Variants in FAM186A observed in about 807,000 individuals in gnomAD.
FAM186A encodes protein FAM186A.
FAM186A carries 163 observed loss-of-function variants against 216.8 expected under a neutral mutation model. The ratio of observed to expected loss-of-function variants is 0.75; its 90% confidence interval spans 0.66 to 0.86. The LOEUF is 0.86. FAM186A is among the 40% of genes least tolerant of loss of function. The pLI is 0.00. For synonymous variants in FAM186A, 805 were observed against 1,025.3 expected (o/e 0.79, Z 4.10); for missense variants, 2,184 against 2,746.2 (o/e 0.80, Z 4.58).
At chr12:50,383,624 A>C (rs1045757969) in intron 1 of FAM186A, among the ~76,000 whole-genome samples, 2 of 151,970 alleles carry the variant, frequency 1.3e-5, no homozygotes, top group African/African-American at 2.4e-5. Flanking sequence ...AGAAACAAAC[A>C]AACCCCACCT....
Position 50,355,508 on chromosome 12 carries a change from T to C in FAM186A, c.1324A>G (p.Lys442Glu). 1 of 1,551,354 alleles carries C rather than the reference T, an allele frequency of 6.4e-7. No individual in the cohort carries two copies. The highest frequency in any genetic ancestry group is 1.2e-5 in the South Asian group (1 of 83,968). The part of the protein sequence containing the change: ...EDSTKDNVSL[K>E]KGDFYQEDET... ...TCTTCCTGATAGAAATCACCTTTCTTCAATGATACGTTATCTTTAGTGCTG... is the reference window on the plus strand; with the variant it reads ...TCTTCCTGATAGAAATCACCTTTCTCCAATGATACGTTATCTTTAGTGCTG... Residue 442 changes from lysine to glutamate, a missense_variant, in exon 4 of 8, where the codon AAG becomes GAG. Coordinates refer to ENST00000327337, the MANE Select transcript of FAM186A (RefSeq NM_001145475.3).
intron 1 of FAM186A, among the ~76,000 whole-genome samples, chr12:50,386,436 CAAAG>C (rs893120434): frequency 4.0e-5 from 6 of 151,632 alleles, no homozygotes; most frequent in Non-Finnish European, 7.4e-5. Context: ...AACAAACAAA[CAAAG>C]AAACAAACAA....
At chr12:50,381,118 C>T (rs375247089) in intron 1 of FAM186A, among the ~76,000 whole-genome samples, 20 of 152,310 alleles carry the variant, frequency 1.3e-4, no homozygotes, top group East Asian at 3.9e-4. Flanking sequence ...AAGAGGGTGT[C>T]GCAGCCCTGG....
At chr12:50,382,590 C>T (rs751616381) in intron 1 of FAM186A, among the ~76,000 whole-genome samples, 36 of 151,982 alleles carry the variant, frequency 2.4e-4, no homozygotes, top group Middle Eastern at 3.4e-3. Context: ...ATCCCAGCTA[C>T]GCAGGAGGCT....
rs758806370 is a variant in FAM186A, at chr12:50,350,987, G to A, written c.5845C>T (p.Pro1949Ser). The A allele has an allele frequency of 2.0e-5, 31 of 1,551,448 alleles. No individual in the cohort carries two copies. The highest frequency in any genetic ancestry group is 3.6e-5 in the South Asian group (3 of 84,040). ...GCCAATCTTTTCTTAGCAACAGAAG[G>A]GGACCAACTTTTCTGGGGCTTTCCA... ...APGKPQKSWS[P>S]SVAKKRLAII... The change falls in exon 4 of 8, where the codon CCT becomes TCT. Residue 1949 changes from proline to serine, a missense_variant. By Grantham distance (74) the Pro-to-Ser change is moderately conservative. This residue lies in a region of FAM186A where 721 missense variants were observed against 816.4 expected (regional missense o/e 0.88). Transcript: ENST00000327337.
rs555162865 is a variant in FAM186A, at chr12:50,336,347, A to G, written c.6504-2244T>C. Among the ~76,000 whole-genome samples the G allele has an allele frequency of 4.6e-4, 70 of 152,154 alleles. 1 individual carries two copies. Among genetic ancestry groups the G allele is most frequent in the Non-Finnish European group, 8.7e-4 (59 of 68,032 alleles). On this transcript the variant is annotated intron_variant, in intron 4 of 7. Coordinates refer to ENST00000327337, the MANE Select transcript of FAM186A (RefSeq NM_001145475.3). ...AGTTAAGTGTTTTTTCTAATGTCCC[A>G]TAATTGATAAATGGTAGATTTGGGA... is the stretch of plus-strand genomic sequence containing the variant.
intron 1 of FAM186A, among the ~76,000 whole-genome samples, chr12:50,374,307 TAAAGAAAG>T (rs1215292308): frequency 6.9e-6 from 1 of 144,232 alleles, no homozygotes; most frequent in South Asian, 2.2e-4. Flanking sequence ...ATAATAATAA[TAAAGAAAG>T]AAAGAAAGAA....
intron 7 of FAM186A, among the ~76,000 whole-genome samples, chr12:50,329,167 G>C (rs898285987): frequency 5.3e-5 from 8 of 152,064 alleles, no homozygotes; most frequent in Admixed American, 4.6e-4. Context: ...GGAAATAAGA[G>C]TCTGCAGGGA....
chr12:50,363,390 ATTAATCTTCAGT>A, intron 1 of FAM186A, 26 bp from the exon 2 acceptor site: 1 of 1,512,930 alleles, frequency 6.6e-7, no homozygotes, highest in Non-Finnish European at 8.9e-7. Context: ...GGGGGCATGT[ATTAATCTTCAGT>A]TTGAAAAGAA....
At chr12:50,374,166 G>C (rs959405706) in intron 1 of FAM186A, among the ~76,000 whole-genome samples, 7 of 119,068 alleles carry the variant, frequency 5.9e-5, no homozygotes, top group Non-Finnish European at 1.2e-4. Context: ...TGGGGGGAGG[G>C]GGGAGGGATA....
chr12:50,351,278 G>GCT lies in FAM186A; in HGVS notation c.5553_5554insAG (p.Leu1852SerfsTer12), dbSNP rs1565883457. The GCT allele has an allele frequency of 5.2e-6, 8 of 1,549,498 alleles. No individual in the cohort carries two copies. Among genetic ancestry groups the GCT allele is most frequent in the Admixed American group, 2.0e-5 (1 of 50,552 alleles). ...TGCCCAGGAGAAAGAGGAGCCCAGA[G>GCT]ACTTGGAATCTGTCCAGAAGTGGGT... On this transcript the variant is annotated frameshift_variant, in exon 4 of 8. Coordinates refer to ENST00000327337, the MANE Select transcript of FAM186A (RefSeq NM_001145475.3). LOFTEE classifies it high-confidence loss of function.
chr12:50,337,764 C>T (rs1942724173), intron 4 of FAM186A, among the ~76,000 whole-genome samples: 1 of 152,014 alleles, frequency 6.6e-6, no homozygotes, highest in Admixed American at 6.6e-5. Context: ...GGCGTGGTGG[C>T]AAGCGCCTGT....
rs146421442 is a variant in FAM186A, at chr12:50,368,228, C to T, written c.193-4864G>A. ...ACAAGCCTGGCCAACATGGTGAAAC[C>T]CCATCTTTACTAGAAATACAAAAAT... On this transcript the variant is annotated intron_variant, in intron 1 of 7. Transcript: ENST00000327337. 2.5e-3 allele frequency among the ~76,000 whole-genome samples: 372 copies of T among 151,562 alleles called. 3 individuals are homozygous for T. Among genetic ancestry groups the T allele is most frequent in the Non-Finnish European group, 3.5e-3 (237 of 67,924 alleles).
rs1300530679 is a variant in FAM186A at position 50,350,683 on chromosome 12, A to C, written c.6149T>G (p.Leu2050Arg). The C allele has an allele frequency of 2.6e-6, 4 of 1,551,582 alleles. No homozygotes were observed. Among genetic ancestry groups the C allele is most frequent in the Non-Finnish European group, 3.5e-6 (4 of 1,146,974 alleles). ...LMKPTTSPSS[L>R]TTLLRTSQIS... is the part of the protein sequence containing the mutation. ...CTGTGATGTTCTGAGTAGAGTAGTGAGAGAAGATGGTGATGTTGTTGGCTT... is the reference window on the plus strand; with the variant it reads ...CTGTGATGTTCTGAGTAGAGTAGTGCGAGAAGATGGTGATGTTGTTGGCTT... The change falls in exon 4 of 8, where the codon CTC becomes CGC. Residue 2050 changes from leucine to arginine, a missense_variant. Physicochemically the swap from Leu to Arg is moderately radical, Grantham distance 102 (BLOSUM62 -2). Coordinates refer to ENST00000327337, the MANE Select transcript of FAM186A (RefSeq NM_001145475.3).
At chr12:50,372,998 T>TGAAA (rs71083549) in intron 1 of FAM186A, among the ~76,000 whole-genome samples, 48 of 49,038 alleles carry the variant, frequency 9.8e-4, no homozygotes, top group African/African-American at 3.5e-3. Context: ...AAGGAAGGAA[T>TGAAA]GAAAGAAAGA....
chr12:50,379,566 C>G (rs1206054835), intron 1 of FAM186A, among the ~76,000 whole-genome samples: 8 of 151,392 alleles, frequency 5.3e-5, no homozygotes, highest in Non-Finnish European at 1.0e-4. Flanking sequence ...GCACGTGGAT[C>G]ACCTGAGGTC....
In FAM186A at chr12:50,351,401, C is replaced by T. The variant is rs996095712; in HGVS notation, c.5431G>A (p.Ala1811Thr). 6.8e-7 allele frequency: 1 copy of T among 1,468,570 alleles called. No individual in the cohort carries two copies. Among genetic ancestry groups the T allele is most frequent in the African/African-American group, 1.4e-5 (1 of 70,154 alleles). 91.0% of individuals were successfully genotyped at this position (1,468,570 alleles called of 1,614,324 possible). A position where few individuals can be genotyped will look rare whatever the true frequency, so the allele number is the denominator to read the frequency against. Residue 1811 changes from alanine (A) to threonine (T), a missense_variant, in exon 4 of 8, where the codon GCG becomes ACG. Physicochemically the swap from Ala to Thr is moderately conservative, Grantham distance 58. Coordinates refer to ENST00000327337, the MANE Select transcript of FAM186A (RefSeq NM_001145475.3). The stretch of plus-strand genomic sequence containing the variant: ...GGGGCCTGTGGTGCCGGGAACTGCG[C>T]AGAAGTGGATTGACCTCCGTATACC... The part of the protein sequence containing the change: ...TLVYGGQSTS[A>T]QFPAPQAPPS...
At position 50,354,555 on chromosome 12, in the gene FAM186A, C is replaced by T. The variant is rs1351788946; in HGVS notation, c.2277G>A (p.Met759Ile). 1 of 1,551,468 alleles carries T rather than the reference C, an allele frequency of 6.4e-7. No homozygotes were observed. Among genetic ancestry groups the T allele is most frequent in the African/African-American group, 1.4e-5 (1 of 73,032 alleles). The change falls in exon 4 of 8, where the codon ATG becomes ATA. Residue 759 changes from methionine (M) to isoleucine (I), a missense_variant. Physicochemically the swap from Met to Ile is conservative, Grantham distance 10. Around this residue, in one of 7 missense-constraint regions of FAM186A, gnomAD observed 1,132 missense variants for 1,263.4 expected, o/e 0.90. Coordinates refer to ENST00000327337, the MANE Select transcript of FAM186A (RefSeq NM_001145475.3). ...PIKQKKVVSFMPGLHFQKSPI... is the reference protein window; with the variant it reads ...PIKQKKVVSFIPGLHFQKSPI... ...GTGACTTCTGAAAATGCAATCCTGG[C>T]ATAAATGAGACTACCTTTTTTTGTT... is the stretch of plus-strand genomic sequence containing the variant.
rs1943024120 is a variant in FAM186A at position 50,360,696 on chromosome 12, T to G, written c.583+60A>C. The G allele has an allele frequency of 2.1e-6, 3 of 1,420,900 alleles. No homozygotes were observed. In the South Asian group the frequency reaches 4.7e-5, roughly 22 times the overall value. 88.0% of individuals were successfully genotyped at this position (1,420,900 alleles called of 1,614,324 possible). ...CGAGACTGAAAAAAAAAAAAGTTGT[T>G]TCTCTAAGAAAAAGTCAAACTCCAT... On this transcript the variant is annotated intron_variant, in intron 3 of 7. Transcript: ENST00000327337.
Sources: allele counts gnomAD v4.1 joint callset (sites outside exome capture counted in the v4.1 genomes callset), GRCh38; gene constraint gnomAD v4.1.1; regional missense constraint gnomAD v4.1.1; transcripts MANE v1.5; gene names NCBI Gene and HGNC (gene_info 2026-07-23, HGNC 2026-07-21).